Variants in RFX7 observed in about 807,000 individuals in gnomAD.
The protein encoded by RFX7 is regulatory factor X7, also known as DNA-binding protein RFX7.
A neutral mutation model predicts 111.8 loss-of-function variants in RFX7; 26 were observed. The observed-to-expected ratio is 0.23, with a 90% CI of 0.17 to 0.32. The LOEUF (loss-of-function observed/expected upper bound fraction) is 0.32. Among genes scored for constraint, RFX7 ranks in the 10% least tolerant of loss-of-function variants. The probability of loss-of-function intolerance (pLI) is 1.00; values close to 1 mark genes in which losing one functional copy is unlikely to be tolerated. For synonymous variants in RFX7, 624 were observed against 624.4 expected, an observed-to-expected ratio of 1.00 and a Z score of 0.01; for missense variants, 1,573 against 1,772.9, an observed-to-expected ratio of 0.89 and a Z score of 2.02.
chr15:56,210,702 G>A (rs1250075392), intron 2 of RFX7, among the ~76,000 whole-genome samples: 50 of 151,932 alleles, frequency 3.3e-4, no homozygotes, highest in African/African-American at 2.9e-4. Context: ...TCTAAATAAC[G>A]CGTAAGTCAA....
intron 2 of RFX7, among the ~76,000 whole-genome samples, chr15:56,187,462 C>T (rs190127816): frequency 2.6e-4 from 40 of 152,194 alleles, no homozygotes; most frequent in Middle Eastern, 3.4e-3. Context: ...CCACCTGCCT[C>T]GGCCTCCCAA....
intron 2 of RFX7, among the ~76,000 whole-genome samples, chr15:56,222,351 T>C (rs1301198397): frequency 3.9e-5 from 6 of 152,214 alleles, no homozygotes; most frequent in African/African-American, 1.4e-4. Context: ...CTATGATTTC[T>C]TTTGTGATTA....
intron 3 of RFX7, among the ~76,000 whole-genome samples, chr15:56,147,500 G>C (rs1031761104): frequency 1.1e-4 from 17 of 152,094 alleles, no homozygotes; most frequent in African/African-American, 4.1e-4. Context: ...GATGGTACTT[G>C]TACAACACAG....
At chr15:56,112,077 T>C (rs2140942983) in intron 5 of RFX7, among the ~76,000 whole-genome samples, 1 of 148,500 alleles carries the variant, frequency 6.7e-6, no homozygotes, top group Middle Eastern at 3.5e-3. Flanking sequence ...ATTTCGCCAC[T>C]GCACTCCAGG....
At chr15:56,180,646 C>G (rs1391083004) in intron 2 of RFX7, among the ~76,000 whole-genome samples, 1 of 151,602 alleles carries the variant, frequency 6.6e-6, no homozygotes, top group Non-Finnish European at 1.5e-5. Flanking sequence ...TGGCTCATGC[C>G]TGTAATCCCA....
At chr15:56,237,963 A>G (rs1032075737) in intron 2 of RFX7, among the ~76,000 whole-genome samples, 3 of 152,184 alleles carry the variant, frequency 2.0e-5, no homozygotes, top group African/African-American at 7.2e-5. Context: ...TAGGAGGTCA[A>G]CCTACTAATC....
chr15:56,216,957 C>T (rs77761855), intron 2 of RFX7, among the ~76,000 whole-genome samples: 10,059 of 152,062 alleles, frequency 0.066, 453 homozygotes, highest in Admixed American at 0.11. Flanking sequence ...CGTGGCTCTA[C>T]GGATATTCTT....
chr15:56,145,844 T>C (rs2042460825), intron 3 of RFX7, among the ~76,000 whole-genome samples: 1 of 152,208 alleles, frequency 6.6e-6, no homozygotes, highest in South Asian at 2.1e-4. Flanking sequence ...GGATAATTCG[T>C]TTGCTTATGC....
At chr15:56,124,527 A>C (rs2042118161) in intron 5 of RFX7, among the ~76,000 whole-genome samples, 1 of 151,734 alleles carries the variant, frequency 6.6e-6, no homozygotes, top group Admixed American at 6.6e-5. Context: ...TCCAGCATTT[A>C]TTTGTCTTTC....
rs2041751737 is a variant in RFX7 at position 56,101,435 on chromosome 15, G to C, written c.735C>G (p.Ala245=). The C allele has an allele frequency of 6.2e-7, 1 of 1,613,180 alleles. No individual in the cohort carries two copies. The highest frequency in any genetic ancestry group is 1.3e-5 in the African/African-American group (1 of 74,860). The change falls in exon 8 of 10, where the codon GCC becomes GCG. Residue 245 remains alanine, a synonymous_variant. Transcript: ENST00000559447. The stretch of plus-strand genomic sequence containing the variant: ...TATAGTGACTTTTTACAAGGAAGCG[G>C]GCTAATTCCAAGACGGTGTCAAATG... The part of the protein sequence containing the change: ...SQPFDTVLEL[A]RFLVKSHYIG...
chr15:56,200,813 G>T (rs1178204545), intron 2 of RFX7, among the ~76,000 whole-genome samples: 2 of 151,980 alleles, frequency 1.3e-5, no homozygotes, highest in Non-Finnish European at 2.9e-5. Context: ...AAAAGAAAAA[G>T]TTGTGTCAGA....
At chr15:56,183,777 T>C (rs894015814) in intron 2 of RFX7, among the ~76,000 whole-genome samples, 1 of 152,184 alleles carries the variant, frequency 6.6e-6, no homozygotes, top group Non-Finnish European at 1.5e-5. Context: ...ACTTTATTTT[T>C]GGACTGTATT....
intron 2 of RFX7, among the ~76,000 whole-genome samples, chr15:56,222,014 AGACTGAAG>A (rs759827618): frequency 3.5e-4 from 54 of 152,324 alleles, no homozygotes; most frequent in Non-Finnish European, 6.6e-4. Context: ...AGTTTCCTTG[AGACTGAAG>A]GACTTATTTT....
chr15:56,180,692 G>T (rs1024643200), intron 2 of RFX7, among the ~76,000 whole-genome samples: 8 of 149,506 alleles, frequency 5.4e-5, no homozygotes, highest in African/African-American at 2.0e-4. Flanking sequence ...GATTGCCTTG[G>T]CTCAGGAGTT....
At chr15:56,119,658 T>A (rs1209608549) in intron 5 of RFX7, among the ~76,000 whole-genome samples, 1 of 151,900 alleles carries the variant, frequency 6.6e-6, no homozygotes, top group Non-Finnish European at 1.5e-5. Context: ...GTGCCTATAG[T>A]TCCAGCTACT....
intron 3 of RFX7, among the ~76,000 whole-genome samples, chr15:56,166,049 C>T (rs2042778477): frequency 6.6e-6 from 1 of 152,100 alleles, no homozygotes; most frequent in Non-Finnish European, 1.5e-5. Context: ...AATACATGTT[C>T]ATGCCATCAT....
intron 5 of RFX7, among the ~76,000 whole-genome samples, chr15:56,118,744 A>G (rs1461898410): frequency 6.6e-6 from 1 of 152,182 alleles, no homozygotes; most frequent in African/African-American, 2.4e-5. Context: ...TGGTAGCTCT[A>G]TTTTTAGTTT....
intron 3 of RFX7, among the ~76,000 whole-genome samples, chr15:56,170,901 T>C (rs1317167553): frequency 3.3e-5 from 5 of 152,006 alleles, no homozygotes; most frequent in African/African-American, 9.7e-5. Flanking sequence ...AAGATGAGGT[T>C]GGACAAAAAA....
chr15:56,167,737 A>ATGGT lies in RFX7; in HGVS notation c.195+11532_195+11533insACCA. Among the ~76,000 whole-genome samples, 3 of 152,208 alleles carry ATGGT rather than the reference A, an allele frequency of 2.0e-5. No individual in the cohort carries two copies. The South Asian group carries it at 6.2e-4, about 32-fold the overall frequency. On this transcript the variant is annotated intron_variant, in intron 3 of 9. Coordinates refer to ENST00000559447, the MANE Select transcript of RFX7 (RefSeq NM_022841.7). Reference sequence around the variant, plus strand: ...CAGATAAATTTTTTCATAGCTTTAAAACTAGAAAAGTACTTTATATTTTTT... The same window carrying ATGGT: ...CAGATAAATTTTTTCATAGCTTTAAATGGTACTAGAAAAGTACTTTATATTTTTT...
Sources: gnomAD v4.1 joint callset for allele counts (sites outside exome capture counted in the v4.1 genomes callset) on GRCh38, gnomAD v4.1.1 for gene constraint, MANE v1.5 for transcripts, NCBI Gene and HGNC (gene_info 2026-07-23, HGNC 2026-07-21) for gene names.